DENND1C: variants seen among roughly 807,000 people sequenced by gnomAD.
The protein encoded by DENND1C is DENN domain containing 1C, also known as DENN domain-containing protein 1C.
Under a neutral mutation model 87.9 loss-of-function variants are expected in DENND1C, and 64 were observed. The ratio of observed to expected loss-of-function variants is 0.73; its 90% CI spans 0.60 to 0.90. The LOEUF (loss-of-function observed/expected upper bound fraction) is 0.90. Ranked by LOEUF, DENND1C falls within the 40% of genes least tolerant of loss-of-function variation. The pLI is 0.00. For synonymous variants in DENND1C, 384 were observed against 424.4 expected (o/e 0.90, Z 1.17); for missense variants, 980 against 1,037.0 (o/e 0.95, Z 0.76).
chr19:6,472,647 C>G (rs1287901921), intron 15 of DENND1C, among the ~76,000 whole-genome samples: 1 of 152,174 alleles, frequency 6.6e-6, no homozygotes, highest in Non-Finnish European at 1.5e-5. Context: ...CCTCGGCCTC[C>G]CAAAGTGCTG....
chr19:6,476,651 C>G, intron 10 of DENND1C: 1 of 577,932 alleles, frequency 1.7e-6, no homozygotes. Flanking sequence ...GCACAGTACT[C>G]CCAAAAAGGA....
At chr19:6,473,816 G>GGGGGGGA (rs1231177042) in intron 14 of DENND1C, among the ~76,000 whole-genome samples, 2 of 131,694 alleles carry the variant, frequency 1.5e-5, no homozygotes, top group East Asian at 2.5e-4. Context: ...GGGGGGTGGG[G>GGGGGGGA]GGAGGGAAAT....
chr19:6,467,570 G>A lies in DENND1C; in HGVS notation c.2340C>T (p.Asn780=). The A allele has an allele frequency of 6.2e-7, 1 of 1,607,294 alleles. No homozygotes were observed. Among genetic ancestry groups the A allele is most frequent in the South Asian group, 1.1e-5 (1 of 90,278 alleles). Residue 780 remains asparagine (N), a synonymous_variant, in exon 23 of 23, where the codon AAC becomes AAT. Transcript: ENST00000381480. The part of the protein sequence containing the change: ...ALNSPATPTS[N]CQKSQPSSRP... ...GGCTGCTGGGCTGGGACTTTTGACA[G>A]TTGCTGGTGGGTGTAGCAGGGGAAT...
In DENND1C at chr19:6,479,090, C is replaced by T. The variant is rs547286000; in HGVS notation, c.177-34G>A. On this transcript the variant is annotated intron_variant, in intron 4 of 22. Transcript: ENST00000381480. ...GGAAGGGCTGTTAGAGAGACCTGGACATCCCAGCTGTCTGAGGATGTCCCC... is the reference window on the plus strand; with the variant it reads ...GGAAGGGCTGTTAGAGAGACCTGGATATCCCAGCTGTCTGAGGATGTCCCC... 41 of 1,612,678 alleles carry T rather than the reference C, an allele frequency of 2.5e-5. No individual in the cohort carries two copies. In the South Asian group the frequency reaches 4.2e-4, roughly 16 times the overall value.
chr19:6,475,127 G>A, intron 14 of DENND1C, 147 bp downstream of exon 14: 3 of 1,310,196 alleles, frequency 2.3e-6, no homozygotes, highest in South Asian at 2.6e-5. Flanking sequence ...GAACTTCTGG[G>A]CTCAAGCAAT....
chr19:6,476,794 G>C, intron 10 of DENND1C, 63 bp downstream of exon 10: 1 of 1,515,270 alleles, frequency 6.6e-7, no homozygotes, highest in Non-Finnish European at 8.9e-7. Context: ...CAGCCCCCTT[G>C]TCCCGCCCCC....
At position 6,475,415 on chromosome 19, in the gene DENND1C, G is replaced by A. The variant is rs746299104; in HGVS notation, c.928-16C>T. 3.7e-6 allele frequency: 6 copies of A among 1,612,182 alleles called. No homozygotes were observed. In the African/African-American group the frequency reaches 4.0e-5, roughly 11 times the overall value. ...GCAGGGACACCTGAAGCACAAGGGA[G>A]TGGCCCTGAGTGGGCAGGTGTGGGC... On this transcript the variant is annotated splice_polypyrimidine_tract_variant and intron_variant, in intron 13 of 22. Coordinates refer to ENST00000381480, the MANE Select transcript of DENND1C (RefSeq NM_024898.4).
Position 6,470,394 on chromosome 19 carries a change from G to A in DENND1C, c.1291-28C>T, listed in dbSNP as rs550886346. On this transcript the variant is annotated intron_variant, in intron 17 of 22. Coordinates refer to ENST00000381480, the MANE Select transcript of DENND1C (RefSeq NM_024898.4). Reference sequence around the variant, plus strand: ...GCGGGAGAGAAGATACCAAGGGGGAGAGGCTAGGGCCAGATCCCACCTCCC... The same window carrying A: ...GCGGGAGAGAAGATACCAAGGGGGAAAGGCTAGGGCCAGATCCCACCTCCC... The A allele has an allele frequency of 7.5e-6, 12 of 1,606,066 alleles. No homozygotes were observed. In the Admixed American group the frequency reaches 1.9e-4, roughly 25 times the overall value.
At chr19:6,481,131 C>T (rs1189548380) in intron 1 of DENND1C, among the ~76,000 whole-genome samples, 1 of 151,488 alleles carries the variant, frequency 6.6e-6, no homozygotes, top group Non-Finnish European at 1.5e-5. Context: ...GTAAGCCCTG[C>T]AATCTCTGCT....
chr19:6,480,563 T>C (rs113151705), intron 1 of DENND1C: 105 of 30,802 alleles, frequency 3.4e-3, no homozygotes, highest in East Asian at 0.014. Flanking sequence ...CCCACCCACC[T>C]ATCTATCTAT....
chr19:6,475,744 T>C lies in DENND1C; in HGVS notation c.787A>G (p.Met263Val), dbSNP rs1216329037. The C allele has an allele frequency of 1.9e-6, 3 of 1,567,204 alleles. No individual in the cohort carries two copies. The highest frequency in any genetic ancestry group is 2.4e-5 in the East Asian group (1 of 42,274). The change falls in exon 12 of 23, where the codon ATG becomes GTG. Residue 263 changes from methionine (M) to valine (V), a missense_variant. Physicochemically the swap from Met to Val is conservative, Grantham distance 21. Transcript: ENST00000381480. ...PHLLDYCCAP[M>V]PYLIGVHASL... is the part of the protein sequence containing the mutation. ...GCGTGCACTCCAATGAGGTAGGGCA[T>C]GGGCGCGCTGCGGACCGAGGGGACG...
intron 6 of DENND1C, among the ~76,000 whole-genome samples, chr19:6,477,909 CAAAA>C (rs71174916): frequency 2.2e-5 from 3 of 134,420 alleles, no homozygotes; most frequent in Admixed American, 7.5e-5. Context: ...GTTAAAAGTA[CAAAA>C]AAAAAAAAAA....
Position 6,477,282 on chromosome 19 carries a change from C to T in DENND1C, c.449G>A (p.Gly150Asp), listed in dbSNP as rs1180981773. ...GPQASVGLEL[G>D]SGVTVSSGQG... ...CCCGCTGGAGACCGTCACTCCGCTG[C>T]CCTGGGGAAGAGGCACGACTCTGTG... The change falls in exon 8 of 23, where the codon GGC becomes GAC. Residue 150 changes from glycine (G) to aspartate (D), a missense_variant and splice_region_variant. Physicochemically the swap from Gly to Asp is moderately conservative, Grantham distance 94. Transcript: ENST00000381480. 6 of 1,591,936 alleles carry T rather than the reference C, an allele frequency of 3.8e-6. No individual in the cohort carries two copies. The Middle Eastern group carries it at 5.0e-4, about 134-fold the overall frequency.
Position 6,467,728 on chromosome 19 carries a change from T to C in DENND1C, c.2182A>G (p.Ile728Val). The change falls in exon 23 of 23, where the codon ATA becomes GTA. Residue 728 changes from isoleucine (I) to valine (V), a missense_variant. Ile to Val is a conservative substitution (Grantham distance 29, BLOSUM62 3). Coordinates refer to ENST00000381480, the MANE Select transcript of DENND1C (RefSeq NM_024898.4). ...TCAAGGGGCTGGGACGTCCAGGCTA[T>C]ATCAAAGTTGGGCTTTGTGGGGGCC... Reference protein sequence around the residue: ...ILAPTKPNFDIAWTSQPLDPS... With the variant: ...ILAPTKPNFDVAWTSQPLDPS... 1.3e-6 allele frequency: 2 copies of C among 1,521,512 alleles called. No homozygotes were observed. The highest frequency in any genetic ancestry group is 1.4e-5 in the African/African-American group (1 of 71,742). The allele number at this position is 1,521,512 out of a possible 1,614,324, so 94.3% of individuals were successfully genotyped here. A position where few individuals can be genotyped will look rare whatever the true frequency, so the allele number is the denominator to read the frequency against.
chr19:6,480,848 C>T (rs2145221402), intron 1 of DENND1C, among the ~76,000 whole-genome samples: 1 of 152,160 alleles, frequency 6.6e-6, no homozygotes, highest in South Asian at 2.1e-4. Context: ...AGGTGATCTG[C>T]CCGCCTCAGC....
In DENND1C at chr19:6,470,305, A is replaced by G. The variant is rs1280378893; in HGVS notation, c.1352T>C (p.Met451Thr). The change falls in exon 18 of 23, where the codon ATG becomes ACG. Residue 451 changes from methionine to threonine, a missense_variant. Met to Thr is a moderately conservative substitution (Grantham distance 81). Coordinates refer to ENST00000381480, the MANE Select transcript of DENND1C (RefSeq NM_024898.4). ...CCAGCTCAGCCTCACCGAGCGGTAC[A>G]TGTTCTTGACGGCTGGTTGGGTCTT... ...KAKTQPAVKN[M>T]YRSAKSGLKG... is the part of the protein sequence containing the mutation. The G allele has an allele frequency of 1.4e-5, 22 of 1,610,668 alleles. No homozygotes were observed. The highest frequency in any genetic ancestry group is 1.9e-5 in the Non-Finnish European group (22 of 1,178,714).
intron 17 of DENND1C, 133 bp from the exon 18 acceptor site, chr19:6,470,499 T>G: frequency 1.2e-6 from 1 of 826,390 alleles, no homozygotes; most frequent in Non-Finnish European, 2.0e-6. Flanking sequence ...ATGAACATGA[T>G]CGTAGTCATG....
intron 15 of DENND1C, among the ~76,000 whole-genome samples, chr19:6,472,641 G>A (rs150919988): frequency 0.014 from 2,073 of 152,180 alleles, 48 homozygotes; most frequent in African/African-American, 0.047. Context: ...CGCCTGCCTC[G>A]GCCTCCCAAA....
At chr19:6,475,667 A>T in intron 12 of DENND1C, 39 bp downstream of exon 12, 1 of 1,610,440 alleles carries the variant, frequency 6.2e-7, no homozygotes, top group Non-Finnish European at 8.5e-7. Flanking sequence ...GGAAGGGGGA[A>T]CCCTCACGTC....
Sources: allele counts gnomAD v4.1 joint callset (sites outside exome capture counted in the v4.1 genomes callset), GRCh38; gene constraint gnomAD v4.1.1; transcripts MANE v1.5; gene names NCBI Gene and HGNC (gene_info 2026-07-23, HGNC 2026-07-21).